The following ZBTB16 variants were observed in gnomAD, a reference collection of about 807,000 sequenced individuals.
ZBTB16 encodes the protein zinc finger and BTB domain containing 16.
ZBTB16 carries 8 observed loss-of-function variants against 56.8 expected under a neutral mutation model. That is an observed-to-expected ratio of 0.14 (90% CI 0.08 to 0.25). ZBTB16 has a LOEUF of 0.25. ZBTB16 is among the 10% of genes least tolerant of loss of function. ZBTB16 has a pLI of 1.00. For synonymous variants in ZBTB16, 363 were observed against 368.5 expected (o/e 0.98, Z 0.17); for missense variants, 625 against 903.0 (o/e 0.69, Z 3.95).
At chr11:114,086,855 G>T (rs1459620673) in intron 2 of ZBTB16, among the ~76,000 whole-genome samples, 1 of 152,132 alleles carries the variant, frequency 6.6e-6, no homozygotes, top group Non-Finnish European at 1.5e-5. Flanking sequence ...AAAAGTAATT[G>T]CTATTTTAGA....
At chr11:114,239,511 G>A (rs968166897) in intron 4 of ZBTB16, among the ~76,000 whole-genome samples, 5 of 152,154 alleles carry the variant, frequency 3.3e-5, no homozygotes, top group African/African-American at 4.8e-5. Context: ...TCCTGTGTAC[G>A]TCGGCCAAGC....
chr11:114,167,236 T>TG (rs1942791964), intron 3 of ZBTB16, among the ~76,000 whole-genome samples: 4 of 126,776 alleles, frequency 3.2e-5, no homozygotes, highest in South Asian at 2.8e-4. Context: ...TTTTTGGTTT[T>TG]TTTTTTTTTT....
rs1315762296 is a variant in ZBTB16, at chr11:114,069,758, ATAT to A, written c.1268+5193_1268+5195del. Reference sequence around the variant, plus strand: ...TAGAATAATGATAGCCACAGCAATGATATTAATAATACCTTTTATCGGTTGCAG... The same window carrying A: ...TAGAATAATGATAGCCACAGCAATGATAATAATACCTTTTATCGGTTGCAG... On this transcript the variant is annotated intron_variant, in intron 2 of 6. Transcript: ENST00000335953. Among the ~76,000 whole-genome samples, 3 of 152,250 alleles carry A rather than the reference ATAT, an allele frequency of 2.0e-5. No homozygotes were observed. The East Asian group carries it at 5.8e-4, about 29-fold the overall frequency.
intron 2 of ZBTB16, among the ~76,000 whole-genome samples, chr11:114,076,102 CT>C (rs1179619024): frequency 1.3e-5 from 2 of 152,098 alleles, no homozygotes; most frequent in East Asian, 3.9e-4. Context: ...GTGAACTGCA[CT>C]TTCGGGGAAA....
chr11:114,183,203 G>A (rs899253677), intron 3 of ZBTB16, among the ~76,000 whole-genome samples: 20 of 152,170 alleles, frequency 1.3e-4, no homozygotes, highest in South Asian at 2.1e-4. Context: ...CACGTGTAAG[G>A]AGGGACCTGG....
chr11:114,092,386 G>A (rs771357479), intron 2 of ZBTB16, among the ~76,000 whole-genome samples: 36 of 152,324 alleles, frequency 2.4e-4, no homozygotes, highest in Middle Eastern at 3.4e-3. Flanking sequence ...CTATTTTGTG[G>A]TCTGGGGTTG....
intron 4 of ZBTB16, among the ~76,000 whole-genome samples, chr11:114,222,505 C>G (rs1944248224): frequency 6.6e-6 from 1 of 152,122 alleles, no homozygotes; most frequent in South Asian, 2.1e-4. Context: ...GATCCTTTGT[C>G]CGGGAGCTGG....
chr11:114,240,517 C>A (rs1001929594), intron 4 of ZBTB16, among the ~76,000 whole-genome samples: 1 of 148,908 alleles, frequency 6.7e-6, no homozygotes, highest in Admixed American at 6.8e-5. Context: ...CTGCTTGTGC[C>A]TTCCCACACA....
chr11:114,191,714 G>C (rs192236015), intron 4 of ZBTB16, among the ~76,000 whole-genome samples: 1 of 152,314 alleles, frequency 6.6e-6, no homozygotes, highest in Non-Finnish European at 1.5e-5. Flanking sequence ...ATTGTCTAAT[G>C]AAACATTTCT....
At chr11:114,230,623 A>G (rs1293991721) in intron 4 of ZBTB16, among the ~76,000 whole-genome samples, 2 of 28,218 alleles carry the variant, frequency 7.1e-5, no homozygotes, top group East Asian at 1.6e-3. Flanking sequence ...ATTTGTAATC[A>G]TCTTCTGTGG....
intron 4 of ZBTB16, among the ~76,000 whole-genome samples, chr11:114,201,342 G>A (rs1195889248): frequency 6.6e-6 from 1 of 152,086 alleles, no homozygotes; most frequent in Non-Finnish European, 1.5e-5. Context: ...CTCATTGGAG[G>A]TGTCTAAGTT....
rs980206958 is a variant in ZBTB16, at chr11:114,063,287, C to T, written c.-14C>T. On this transcript the variant is annotated 5_prime_UTR_variant, in exon 2 of 7. Transcript: ENST00000335953. This position sits in a 1 kb window ranked among gnomAD's most constrained non-coding sequence, Gnocchi z 6.5. ...AAGGAAAGAAAGCCTCATGCCTGAG[C>T]CGAGGGGAGCACCATGGATCTGACA... The T allele has an allele frequency of 2.5e-6, 4 of 1,613,226 alleles. No individual in the cohort carries two copies. The highest frequency in any genetic ancestry group is 2.5e-6 in the Non-Finnish European group (3 of 1,179,922).
chr11:114,086,690 T>A (rs1939967764), intron 2 of ZBTB16, among the ~76,000 whole-genome samples: 1 of 152,182 alleles, frequency 6.6e-6, no homozygotes, highest in Admixed American at 6.5e-5. Flanking sequence ...GTGAATCCTA[T>A]TAAAAGGAAT....
chr11:114,100,061 G>A (rs1270767725), intron 2 of ZBTB16, among the ~76,000 whole-genome samples: 1 of 152,220 alleles, frequency 6.6e-6, no homozygotes, highest in Non-Finnish European at 1.5e-5. Flanking sequence ...CTGCATTCTT[G>A]AGTTGGTGCC....
intron 2 of ZBTB16, among the ~76,000 whole-genome samples, chr11:114,076,580 T>G (rs1464982484): frequency 1.3e-5 from 2 of 152,196 alleles, no homozygotes; most frequent in Non-Finnish European, 2.9e-5. Flanking sequence ...TCTGCTAAAT[T>G]AAGGATCCGC....
At chr11:114,176,006 CGTGTGT>C (rs373407914) in intron 3 of ZBTB16, among the ~76,000 whole-genome samples, 5 of 146,774 alleles carry the variant, frequency 3.4e-5, no homozygotes, top group East Asian at 2.0e-4. Context: ...TGTGTGCGTG[CGTGTGT>C]GTGTGTGTGT....
At position 114,254,660 on chromosome 11, in the gene ZBTB16, T is replaced by G. The variant is rs1944970892; in HGVS notation, c.*4105T>G. On this transcript the variant is annotated 3_prime_UTR_variant, in exon 7 of 7. Transcript: ENST00000335953. The stretch of plus-strand genomic sequence containing the variant: ...GAGACAGAAAAGCAGAAGATGAGAC[T>G]CTGTTCATTCACTTTTCCTAGGCCC... Among the ~76,000 whole-genome samples, 1 of 152,152 alleles carries G rather than the reference T, an allele frequency of 6.6e-6. No individual in the cohort carries two copies. The highest frequency in any genetic ancestry group is 2.4e-5 in the African/African-American group (1 of 41,430).
At chr11:114,185,337 G>A (rs1354940091) in intron 3 of ZBTB16, among the ~76,000 whole-genome samples, 2 of 152,234 alleles carry the variant, frequency 1.3e-5, no homozygotes, top group East Asian at 3.8e-4. Flanking sequence ...CCTTGAAAAT[G>A]AAGTGGGATT....
chr11:114,131,388 T>A (rs1941655781), intron 2 of ZBTB16, among the ~76,000 whole-genome samples: 1 of 152,244 alleles, frequency 6.6e-6, no homozygotes, highest in Admixed American at 6.5e-5. Flanking sequence ...ACTAAATTCT[T>A]GCACATAAAA....
Sources: gnomAD v4.1 joint callset for allele counts (sites outside exome capture counted in the v4.1 genomes callset) on GRCh38, gnomAD v4.1.1 for gene constraint, Gnocchi (gnomAD v3.1) non-coding constraint, MANE v1.5 for transcripts, NCBI Gene and HGNC (gene_info 2026-07-23, HGNC 2026-07-21) for gene names.